RAF1: variants seen among roughly 807,000 people sequenced by gnomAD.
RAF1 encodes RAF proto-oncogene serine/threonine-protein kinase.
A neutral mutation model predicts 81.1 loss-of-function variants in RAF1; 27 were observed. The ratio of observed to expected loss-of-function variants is 0.33; its 90% CI spans 0.25 to 0.46. The LOEUF (loss-of-function observed/expected upper bound fraction) is 0.46, where lower values mean the gene tolerates loss of function less well. Among genes scored for constraint, RAF1 ranks in the 20% least tolerant of loss-of-function variants. RAF1 has a pLI of 1.00. For missense variants in RAF1, 598 were observed against 826.0 expected (o/e 0.72, Z 3.38); for synonymous variants, 298 against 294.0 (o/e 1.01, Z -0.14).
chr3:12,617,841 T>C (rs925893531), intron 2 of RAF1, among the ~76,000 whole-genome samples: 29 of 140,898 alleles, frequency 2.1e-4, no homozygotes, highest in Admixed American at 1.6e-4. Flanking sequence ...TGCAGTGAGC[T>C]GCACTCCAGC....
intron 1 of RAF1, among the ~76,000 whole-genome samples, 161 bp from the exon 2 acceptor site, chr3:12,618,908 A>G (rs548685055): frequency 6.6e-6 from 1 of 152,224 alleles, no homozygotes; most frequent in South Asian, 2.1e-4. Context: ...CACTTCCATT[A>G]AATATTTCAT....
intron 1 of RAF1, among the ~76,000 whole-genome samples, chr3:12,646,497 C>T (rs902106142): frequency 6.6e-6 from 1 of 152,032 alleles, no homozygotes; most frequent in Non-Finnish European, 1.5e-5. Context: ...CCTCATCCTC[C>T]TGAGTGGCTG....
intron 1 of RAF1, among the ~76,000 whole-genome samples, chr3:12,644,560 T>A (rs556231759): frequency 6.6e-6 from 1 of 152,288 alleles, no homozygotes; most frequent in South Asian, 2.1e-4. Flanking sequence ...AACTTAGGGT[T>A]AAGGATGACT....
rs543758008 is a variant in RAF1 at position 12,618,768 on chromosome 3, T to C, written c.-26-21A>G. On this transcript the variant is annotated intron_variant, in intron 1 of 17. Coordinates refer to ENST00000442415, the MANE Select transcript of RAF1 (RefSeq NM_001354689.3). ...TAAACCTGGTAAGAAACACAAATAA[T>C]TGTAACTCTAGAACAAAAGTATTCA... 27 of 1,577,440 alleles carry C rather than the reference T, an allele frequency of 1.7e-5. No homozygotes were observed. In the African/African-American group the frequency reaches 2.3e-4, roughly 13 times the overall value.
intron 11 of RAF1, among the ~76,000 whole-genome samples, chr3:12,593,242 A>C (rs1192529392): frequency 2.6e-5 from 4 of 151,698 alleles, no homozygotes; most frequent in African/African-American, 9.7e-5. Flanking sequence ...ACCATGCCCA[A>C]CTAATTTTTG....
chr3:12,628,944 T>C (rs1477662037), intron 1 of RAF1, among the ~76,000 whole-genome samples: 1 of 152,010 alleles, frequency 6.6e-6, no homozygotes. Flanking sequence ...AGAGATAGGG[T>C]TTTACCATGT....
At chr3:12,623,742 C>G (rs562789361) in intron 1 of RAF1, among the ~76,000 whole-genome samples, 1 of 143,642 alleles carries the variant, frequency 7.0e-6, no homozygotes, top group Non-Finnish European at 1.5e-5. Flanking sequence ...TGCAGTGAGC[C>G]GAGATCATGC....
At chr3:12,662,931 T>C (rs1003627737) in intron 1 of RAF1, among the ~76,000 whole-genome samples, 1 of 152,042 alleles carries the variant, frequency 6.6e-6, no homozygotes, top group Non-Finnish European at 1.5e-5. Flanking sequence ...AAACGCTCAA[T>C]GAACGTGCCT....
chr3:12,585,250 G>A lies in RAF1; in HGVS notation c.1600C>T (p.Pro534Ser), dbSNP rs2125323131. 1 of 1,614,018 alleles carries A rather than the reference G, an allele frequency of 6.2e-7. No homozygotes were observed. The highest frequency in any genetic ancestry group is 8.5e-7 in the Non-Finnish European group (1 of 1,179,998). ...TTATCCTGCATTCGGATCACCTCTGGGGCCTACATGTATCACCATATGACA... is the reference window on the plus strand; with the variant it reads ...TTATCCTGCATTCGGATCACCTCTGAGGCCTACATGTATCACCATATGACA... Residue 534 changes from proline (P) to serine (S), a missense_variant, in exon 16 of 18, where the codon CCA becomes TCA. Pro to Ser is a moderately conservative substitution (Grantham distance 74). Around this residue, in one of 5 missense-constraint regions of RAF1, gnomAD observed 147 missense variants for 196.1 expected, o/e 0.75. Coordinates refer to ENST00000442415, the MANE Select transcript of RAF1 (RefSeq NM_001354689.3).
At chr3:12,660,938 C>A (rs962865108) in intron 1 of RAF1, among the ~76,000 whole-genome samples, 1 of 152,104 alleles carries the variant, frequency 6.6e-6, no homozygotes, top group African/African-American at 2.4e-5. Flanking sequence ...CGCACCACTG[C>A]GCTAAAAAAA....
intron 1 of RAF1, among the ~76,000 whole-genome samples, chr3:12,634,476 TTACAGGAATA>T (rs2059960706): frequency 6.6e-6 from 1 of 151,940 alleles, no homozygotes; most frequent in Admixed American, 6.6e-5. Context: ...AAGGGATTTG[TTACAGGAATA>T]TAGCAAGAGA....
chr3:12,600,792 C>A lies in RAF1; in HGVS notation c.895-377G>T, dbSNP rs552541533. 1.4e-4 allele frequency among the ~76,000 whole-genome samples: 21 copies of A among 152,322 alleles called. No homozygotes were observed. The East Asian group carries it at 4.1e-3, about 29-fold the overall frequency. The stretch of plus-strand genomic sequence containing the variant: ...GGCCAGGCTCGTCTTGAACTCCTGA[C>A]CTGAGGTGATCCTCTCGCCTCGGCC... On this transcript the variant is annotated intron_variant, in intron 8 of 17. Coordinates refer to ENST00000442415, the MANE Select transcript of RAF1 (RefSeq NM_001354689.3).
intron 1 of RAF1, among the ~76,000 whole-genome samples, chr3:12,652,883 G>C (rs961207326): frequency 6.6e-6 from 1 of 151,934 alleles, no homozygotes; most frequent in African/African-American, 2.4e-5. Flanking sequence ...AGTGAGTACA[G>C]TGAGCCAAGA....
At chr3:12,608,661 T>C (rs972449862) in intron 5 of RAF1, 105 bp downstream of exon 5, 5 of 1,265,164 alleles carry the variant, frequency 4.0e-6, no homozygotes, top group Non-Finnish European at 5.8e-6. Flanking sequence ...ATTCATTAAA[T>C]GAGTCTAGAA....
At chr3:12,649,589 TCACACACACACACACA>T (rs3072126) in intron 1 of RAF1, among the ~76,000 whole-genome samples, 7 of 150,462 alleles carry the variant, frequency 4.7e-5, no homozygotes, top group South Asian at 4.2e-4. Context: ...CCAGAGACTG[TCACACACACACACACA>T]CACACACACA....
At chr3:12,621,899 ACT>A (rs2059567323) in intron 1 of RAF1, among the ~76,000 whole-genome samples, 1 of 152,162 alleles carries the variant, frequency 6.6e-6, no homozygotes, top group African/African-American at 2.4e-5. Context: ...TGGATGGGGA[ACT>A]CTAGAATTAA....
chr3:12,608,432 C>CAACCCCAGTAGATAAT, intron 5 of RAF1: 1 of 302,558 alleles, frequency 3.3e-6, no homozygotes, highest in South Asian at 3.7e-5. Flanking sequence ...TGTCTACTAG[C>CAACCCCAGTAGATAAT]AACCCCAGTA....
chr3:12,645,184 T>C lies in RAF1; in HGVS notation c.-27+18629A>G, dbSNP rs5746171. On this transcript the variant is annotated intron_variant, in intron 1 of 17. Transcript: ENST00000442415. ...TTTTGGTATTAAGGTTTTAAGAGATTCTTAGATCTACCTAAAACCTAACTT... is the reference window on the plus strand; with the variant it reads ...TTTTGGTATTAAGGTTTTAAGAGATCCTTAGATCTACCTAAAACCTAACTT... Among the ~76,000 whole-genome samples, 299 of 152,036 alleles carry C rather than the reference T, an allele frequency of 2.0e-3. 1 individual carries two copies. Among genetic ancestry groups the C allele is most frequent in the African/African-American group, 6.3e-3 (262 of 41,496 alleles).
intron 8 of RAF1, among the ~76,000 whole-genome samples, chr3:12,600,683 T>G (rs951836106): frequency 6.6e-6 from 1 of 152,208 alleles, no homozygotes; most frequent in African/African-American, 2.4e-5. Flanking sequence ...TGCCTCAGTC[T>G]CCCGAGTAGC....
Sources: allele counts gnomAD v4.1 joint callset (sites outside exome capture counted in the v4.1 genomes callset), GRCh38; gene constraint gnomAD v4.1.1; regional missense constraint gnomAD v4.1.1; transcripts MANE v1.5; gene names NCBI Gene and HGNC (gene_info 2026-07-23, HGNC 2026-07-21).